TRIM66: variants seen among roughly 807,000 people sequenced by gnomAD.
The protein encoded by TRIM66 is tripartite motif-containing protein 66.
A neutral mutation model predicts 148.2 loss-of-function variants in TRIM66; 99 were observed. That is an observed-to-expected ratio of 0.67 (90% CI 0.57 to 0.79). TRIM66 has a LOEUF of 0.79. Among genes scored for constraint, TRIM66 ranks in the 30% least tolerant of loss-of-function variants. TRIM66 has a pLI of 0.00. For missense variants in TRIM66, 1,666 were observed against 1,697.9 expected (o/e 0.98, Z 0.33); for synonymous variants, 616 against 635.9 (o/e 0.97, Z 0.47).
intron 3 of TRIM66, among the ~76,000 whole-genome samples, chr11:8,675,345 C>T (rs1324313752): frequency 2.0e-5 from 3 of 152,278 alleles, no homozygotes; most frequent in Non-Finnish European, 2.9e-5. Context: ...GAGAAAATAT[C>T]GGACAAATTC....
At chr11:8,635,896 G>T (rs2132998829) in intron 15 of TRIM66, among the ~76,000 whole-genome samples, 1 of 152,262 alleles carries the variant, frequency 6.6e-6, no homozygotes, top group East Asian at 1.9e-4. Context: ...GAACAGAACT[G>T]AACCTCATCA....
At chr11:8,634,641 G>A (rs2035718713) in intron 15 of TRIM66, among the ~76,000 whole-genome samples, 2 of 152,184 alleles carry the variant, frequency 1.3e-5, no homozygotes, top group Admixed American at 6.5e-5. Context: ...AGGAAGCTTA[G>A]GCAACAGCTG....
chr11:8,638,020 C>T (rs1469773016), intron 15 of TRIM66, among the ~76,000 whole-genome samples: 1 of 152,152 alleles, frequency 6.6e-6, no homozygotes, highest in African/African-American at 2.4e-5. Flanking sequence ...GACAGAAAGG[C>T]CTCCAAGAGC....
At chr11:8,644,013 C>T (rs146412396) in intron 12 of TRIM66, among the ~76,000 whole-genome samples, 11 of 152,290 alleles carry the variant, frequency 7.2e-5, no homozygotes, top group Non-Finnish European at 1.2e-4. Context: ...TCAGTTTAGT[C>T]ACCATACCTA....
At chr11:8,621,899 C>T in intron 18 of TRIM66, 80 bp from the exon 19 acceptor site, 2 of 1,330,932 alleles carry the variant, frequency 1.5e-6, no homozygotes, top group Non-Finnish European at 2.0e-6. Context: ...ATCCATGATC[C>T]CTGTGATGAT....
Position 8,621,503 on chromosome 11 carries a change from G to T in TRIM66, c.3255+142C>A. Reference sequence around the variant, plus strand: ...CCTAATATGCATCTCACAGGACCTTGCAGCAGGGGACAACGTCTGGCCAAG... The same window carrying T: ...CCTAATATGCATCTCACAGGACCTTTCAGCAGGGGACAACGTCTGGCCAAG... On this transcript the variant is annotated intron_variant, in intron 19 of 24. Coordinates refer to ENST00000646038, the MANE Select transcript of TRIM66 (RefSeq NM_001388022.1). The T allele has an allele frequency of 5.4e-6, 7 of 1,291,266 alleles. No homozygotes were observed. The South Asian group carries it at 1.1e-4, about 20-fold the overall frequency. The allele number at this position is 1,291,266 out of a possible 1,614,324, so 80.0% of individuals were successfully genotyped here. A position where few individuals can be genotyped will look rare whatever the true frequency, so the allele number is the denominator to read the frequency against.
upstream of TRIM66, chr11:8,683,028 C>T (rs2039517653): frequency 3.6e-6 from 3 of 840,932 alleles, no homozygotes; most frequent in East Asian, 2.6e-5. Flanking sequence ...CACGCGGGCC[C>T]CTGCGCTACC....
chr11:8,621,764 A>C lies in TRIM66; in HGVS notation c.3136T>G (p.Cys1046Gly). The C allele has an allele frequency of 6.4e-7, 1 of 1,551,338 alleles. No homozygotes were observed. Among genetic ancestry groups the C allele is most frequent in the Non-Finnish European group, 8.7e-7 (1 of 1,146,900 alleles). ...GGCATCTCTCCTGAGGAGGCAGCACAGATCTTGAGTCGCTCCAGTCGCACA... is the reference window on the plus strand; with the variant it reads ...GGCATCTCTCCTGAGGAGGCAGCACCGATCTTGAGTCGCTCCAGTCGCACA... ...PYVRLERLKICAASSGEMPVF... is the reference protein window; with the variant it reads ...PYVRLERLKIGAASSGEMPVF... Residue 1046 changes from cysteine to glycine, a missense_variant, in exon 19 of 25, where the codon TGT becomes GGT. Coordinates refer to ENST00000646038, the MANE Select transcript of TRIM66 (RefSeq NM_001388022.1).
intron 12 of TRIM66, among the ~76,000 whole-genome samples, chr11:8,644,593 C>T (rs1474212789): frequency 1.3e-5 from 2 of 152,148 alleles, no homozygotes; most frequent in African/African-American, 2.4e-5. Flanking sequence ...CTATATCCTT[C>T]CTCCTGCTTT....
chr11:8,678,381 A>AT (rs1184798891), intron 3 of TRIM66, among the ~76,000 whole-genome samples: 1 of 152,250 alleles, frequency 6.6e-6, no homozygotes, highest in Non-Finnish European at 1.5e-5. Flanking sequence ...AAAAACTGCC[A>AT]TGGTATTAAA....
At chr11:8,672,489 TTAAA>T (rs2133503011) in intron 4 of TRIM66, 104 bp from the exon 5 acceptor site, 1 of 1,275,916 alleles carries the variant, frequency 7.8e-7, no homozygotes, top group Middle Eastern at 2.0e-4. Flanking sequence ...CTTTTACAAA[TTAAA>T]TAAAACCAAG....
Position 8,625,152 on chromosome 11 carries a change from G to C in TRIM66, c.2387C>G (p.Pro796Arg), listed in dbSNP as rs2034694568. The change falls in exon 16 of 25, where the codon CCC becomes CGC. Residue 796 changes from proline (P) to arginine (R), a missense_variant. Around this residue, in one of 3 missense-constraint regions of TRIM66, gnomAD observed 1,431 missense variants for 1,412.4 expected, o/e 1.01. Coordinates refer to ENST00000646038, the MANE Select transcript of TRIM66 (RefSeq NM_001388022.1). ...MELSSTRLER[P>R]LEPQIQSVSN... Reference sequence around the variant, plus strand: ...CACACTCTGGATCTGTGGCTCTAGGGGCCTCTCCAACCTGGTAGATGACAA... The same window carrying C: ...CACACTCTGGATCTGTGGCTCTAGGCGCCTCTCCAACCTGGTAGATGACAA... 1 of 1,548,300 alleles carries C rather than the reference G, an allele frequency of 6.5e-7. No individual in the cohort carries two copies. Among genetic ancestry groups the C allele is most frequent in the African/African-American group, 1.4e-5 (1 of 72,960 alleles).
chr11:8,652,949 C>T (rs1391055651), intron 6 of TRIM66, among the ~76,000 whole-genome samples: 1 of 152,202 alleles, frequency 6.6e-6, no homozygotes. Flanking sequence ...CACTTAATTG[C>T]CCTGTACCCC....
rs1427869400 is a variant in TRIM66 at position 8,624,480 on chromosome 11, A to G, written c.2898T>C (p.Ala966=). The stretch of plus-strand genomic sequence containing the variant: ...CTGAGGGGATGGCCAAGTCCTTGGG[A>G]GCATCCAGACCGGGGACTATGGGAC... ...GQGPIVPGLD[A]PKDLAIPSEL... Residue 966 remains alanine, a synonymous_variant, in exon 17 of 25, where the codon GCT becomes GCC. Coordinates refer to ENST00000646038, the MANE Select transcript of TRIM66 (RefSeq NM_001388022.1). 1 of 1,551,398 alleles carries G rather than the reference A, an allele frequency of 6.4e-7. No homozygotes were observed. Among genetic ancestry groups the G allele is most frequent in the East Asian group, 2.4e-5 (1 of 40,912 alleles).
chr11:8,617,809 G>T lies in TRIM66; in HGVS notation c.*135C>A. On this transcript the variant is annotated 3_prime_UTR_variant, in exon 25 of 25. Coordinates refer to ENST00000646038, the MANE Select transcript of TRIM66 (RefSeq NM_001388022.1). ...CAAATAAATGCTGTAGATGCAAATG[G>T]CAAAGAAGAGCACTACACAGTTCAA... 2 of 787,966 alleles carry T rather than the reference G, an allele frequency of 2.5e-6. No individual in the cohort carries two copies. The highest frequency in any genetic ancestry group is 4.2e-6 in the Non-Finnish European group (2 of 480,114). The allele number at this position is 787,966 out of a possible 1,614,324, so 48.8% of individuals were successfully genotyped here. A position where few individuals can be genotyped will look rare whatever the true frequency, so the allele number is the denominator to read the frequency against.
At chr11:8,622,365 C>CACACACACACACATATATAT in intron 18 of TRIM66, among the ~76,000 whole-genome samples, 11 of 59,608 alleles carry the variant, frequency 1.8e-4, no homozygotes, top group Admixed American at 3.1e-4. Flanking sequence ...CACACACACA[C>CACACACACACACATATATAT]ATATATATAT....
At chr11:8,619,169 A>T in intron 23 of TRIM66, 1 of 705,888 alleles carries the variant, frequency 1.4e-6, no homozygotes. Flanking sequence ...GTATCCACAG[A>T]TGGCCACTCA....
chr11:8,636,741 C>G (rs1169470871), intron 15 of TRIM66, among the ~76,000 whole-genome samples: 1 of 152,178 alleles, frequency 6.6e-6, no homozygotes, highest in East Asian at 1.9e-4. Context: ...ATTCTGGTCT[C>G]CCTTACCACA....
intron 18 of TRIM66, among the ~76,000 whole-genome samples, chr11:8,622,381 T>TATATATATATATA: frequency 9.7e-6 from 1 of 102,576 alleles, no homozygotes; most frequent in South Asian, 3.3e-4. Flanking sequence ...TATATATATA[T>TATATATATATATA]ATCTCCTACT....
Sources: gnomAD v4.1 joint callset for allele counts (sites outside exome capture counted in the v4.1 genomes callset) on GRCh38, gnomAD v4.1.1 for gene constraint, gnomAD v4.1.1 regional missense constraint, MANE v1.5 for transcripts, NCBI Gene and HGNC (gene_info 2026-07-23, HGNC 2026-07-21) for gene names.